Variants in GALNT13 observed in about 807,000 individuals in gnomAD.
GALNT13 encodes the protein UDP-GalNAc:polypeptide N-acetylgalactosaminyltransferase 13.
GALNT13 carries 28 observed loss-of-function variants against 64.2 expected under a neutral mutation model. That is an observed-to-expected ratio of 0.44 (90% CI 0.32 to 0.60). The LOEUF (loss-of-function observed/expected upper bound fraction) is 0.60, where lower values mean the gene tolerates loss of function less well. Ranked by LOEUF, GALNT13 falls within the 20% of genes least tolerant of loss-of-function variation. GALNT13 has a pLI of 0.05. For missense variants in GALNT13, 577 were observed against 669.8 expected, an observed-to-expected ratio of 0.86 and a Z score of 1.53; for synonymous variants, 214 against 224.6, an observed-to-expected ratio of 0.95 and a Z score of 0.42.
At chr2:153,109,370 G>C in the GALNT13 span, among the ~76,000 whole-genome samples, 5 of 152,076 alleles carry the variant, frequency 3.3e-5, no homozygotes, top group African/African-American at 1.2e-4. Flanking sequence ...TGGACATGTT[G>C]AAAGCAAAGC....
chr2:153,531,549 A>G, the GALNT13 span, among the ~76,000 whole-genome samples: 1 of 152,148 alleles, frequency 6.6e-6, no homozygotes, highest in Non-Finnish European at 1.5e-5. Flanking sequence ...TCTGCTCCCA[A>G]GTCTCATGTT....
At chr2:153,100,812 T>G in the GALNT13 span, among the ~76,000 whole-genome samples, 1 of 152,064 alleles carries the variant, frequency 6.6e-6, no homozygotes, top group African/African-American at 2.4e-5. Flanking sequence ...GGAGATCTCT[T>G]GAGGCCAGGA....
the GALNT13 span, among the ~76,000 whole-genome samples, chr2:153,647,698 C>G: frequency 1.3e-5 from 2 of 152,172 alleles, no homozygotes; most frequent in Admixed American, 1.3e-4. Context: ...AGCCAGTTTT[C>G]CCAGCACCAT....
chr2:153,809,062 T>G, the GALNT13 span, among the ~76,000 whole-genome samples: 5 of 152,194 alleles, frequency 3.3e-5, no homozygotes, highest in Non-Finnish European at 7.3e-5. Context: ...GTAAATTGAC[T>G]TGCTTTGTCA....
intron 4 of GALNT13, among the ~76,000 whole-genome samples, chr2:154,153,954 G>T (rs991122383): frequency 2.0e-5 from 3 of 152,182 alleles, no homozygotes; most frequent in Admixed American, 6.5e-5. Context: ...TGCGTCCATT[G>T]TCTGGCACTC....
At chr2:154,368,302 G>T (rs10198656) in intron 9 of GALNT13, among the ~76,000 whole-genome samples, 72,734 of 151,802 alleles carry the variant, frequency 0.48, 17,880 homozygotes, top group Admixed American at 0.58. Flanking sequence ...CAGTGTGAAG[G>T]CCAGTATAGC....
the GALNT13 span, among the ~76,000 whole-genome samples, chr2:153,454,418 G>A: frequency 1.3e-5 from 2 of 152,136 alleles, no homozygotes; most frequent in Non-Finnish European, 1.5e-5. Flanking sequence ...CTTGGCAGCT[G>A]AGACCTGTTC....
the GALNT13 span, among the ~76,000 whole-genome samples, chr2:153,862,643 A>G: frequency 1.3e-5 from 2 of 151,988 alleles, no homozygotes; most frequent in African/African-American, 2.4e-5. Context: ...TTTTAATACT[A>G]TTCTTATTTT....
At chr2:153,868,879 G>GA (rs529617265), upstream of GALNT13, among the ~76,000 whole-genome samples, 576 of 152,188 alleles carry the variant, frequency 3.8e-3, 5 homozygotes, top group African/African-American at 0.013. Flanking sequence ...CTTTCTGTTT[G>GA]AAAAAATATG....
At chr2:153,193,173 A>C in the GALNT13 span, among the ~76,000 whole-genome samples, 8 of 151,994 alleles carry the variant, frequency 5.3e-5, no homozygotes, top group Non-Finnish European at 1.2e-4. Flanking sequence ...GGCATTATTC[A>C]CAATAGCAAA....
chr2:154,452,088 C>T lies in GALNT13; in HGVS notation c.*1537C>T, dbSNP rs1701893413. 1.3e-5 allele frequency: 2 copies of T among 152,092 alleles called. No individual in the cohort carries two copies. The highest frequency in any genetic ancestry group is 4.8e-5 in the African/African-American group (2 of 41,422). The allele number at this position is 152,092 out of a possible 1,614,324, so 9.4% of individuals were successfully genotyped here. A position where few individuals can be genotyped will look rare whatever the true frequency, so the allele number is the denominator to read the frequency against. On this transcript the variant is annotated 3_prime_UTR_variant, in exon 13 of 13. Transcript: ENST00000392825. ...TGATTTTTGCCACTGGTATTCCTTC[C>T]TCTTTTGACTTTTTATTGGTACAAC... is the stretch of plus-strand genomic sequence containing the variant.
At chr2:154,220,662 G>A (rs570078134) in intron 4 of GALNT13, among the ~76,000 whole-genome samples, 4 of 152,018 alleles carry the variant, frequency 2.6e-5, no homozygotes, top group South Asian at 2.1e-4. Flanking sequence ...TTTATCATGG[G>A]TTTATTATTT....
intron 3 of GALNT13, among the ~76,000 whole-genome samples, chr2:154,101,578 T>A (rs1574500515): frequency 6.6e-6 from 1 of 152,056 alleles, no homozygotes; most frequent in East Asian, 1.9e-4. Context: ...AGTCTATTGA[T>A]TTTGCTTATC....
chr2:153,694,183 G>A, the GALNT13 span, among the ~76,000 whole-genome samples: 1 of 152,048 alleles, frequency 6.6e-6, no homozygotes, highest in African/African-American at 2.4e-5. Flanking sequence ...ACTTTCTTTG[G>A]GTAACTCAGT....
chr2:153,283,097 A>G, the GALNT13 span, among the ~76,000 whole-genome samples: 1 of 152,194 alleles, frequency 6.6e-6, no homozygotes, highest in Non-Finnish European at 1.5e-5. Flanking sequence ...GGGGTGATCC[A>G]TGGAGGGCTC....
chr2:153,178,417 G>A, the GALNT13 span, among the ~76,000 whole-genome samples: 1 of 152,140 alleles, frequency 6.6e-6, no homozygotes, highest in Non-Finnish European at 1.5e-5. Context: ...GGTGTGAGGT[G>A]ATATCTCATT....
At chr2:153,204,250 TATATTGCTTG>T in the GALNT13 span, among the ~76,000 whole-genome samples, 1 of 152,220 alleles carries the variant, frequency 6.6e-6, no homozygotes, top group Non-Finnish European at 1.5e-5. Flanking sequence ...CACCCTGGAC[TATATTGCTTG>T]ATGCCTCCTT....
chr2:153,265,342 A>C, the GALNT13 span, among the ~76,000 whole-genome samples: 1 of 152,280 alleles, frequency 6.6e-6, no homozygotes, highest in South Asian at 2.1e-4. Flanking sequence ...GCAGGAACTC[A>C]GGTCTGATGG....
the GALNT13 span, among the ~76,000 whole-genome samples, chr2:153,344,621 G>A: frequency 1.3e-5 from 2 of 152,254 alleles, no homozygotes; most frequent in East Asian, 1.9e-4. Flanking sequence ...AAAGAACACA[G>A]TACAGTAGAA....
Sources: gnomAD v4.1 joint callset for allele counts (sites outside exome capture counted in the v4.1 genomes callset) on GRCh38, gnomAD v4.1.1 for gene constraint, MANE v1.5 for transcripts, NCBI Gene and HGNC (gene_info 2026-07-23, HGNC 2026-07-21) for gene names.